RPA3: variants seen among roughly 807,000 people sequenced by gnomAD.
The protein encoded by RPA3 is replication protein A 14 kDa subunit.
In RPA3, 24 loss-of-function variants were observed where a neutral mutation model predicts 13.7. The ratio of observed to expected loss-of-function variants is 1.75; its 90% CI spans 1.27 to 2.46. The LOEUF is 2.46. Among genes scored for constraint, RPA3 ranks in the 30% most tolerant of loss-of-function variants. The pLI, the probability that RPA3 is intolerant of heterozygous loss-of-function variation, is 0.00. For missense variants in RPA3, 183 were observed against 151.0 expected (o/e 1.21, Z -1.11); for synonymous variants, 59 against 51.2 (o/e 1.15, Z -0.65).
chr7:7,644,390 T>C (rs144967846), intron 4 of RPA3, among the ~76,000 whole-genome samples: 2 of 152,018 alleles, frequency 1.3e-5, no homozygotes, highest in African/African-American at 2.4e-5. Flanking sequence ...TCTTTTAATA[T>C]AGTTAAACAT....
chr7:7,699,799 T>C (rs1164958582), intron 2 of RPA3, among the ~76,000 whole-genome samples: 1 of 152,198 alleles, frequency 6.6e-6, no homozygotes, highest in Admixed American at 6.5e-5. Flanking sequence ...TTAGTAAATA[T>C]TTGTTGGGGG....
intron 4 of RPA3, among the ~76,000 whole-genome samples, chr7:7,659,622 A>AGTTTCTTAATCCTGTGCTCTCATTT (rs1169709739): frequency 1.3e-5 from 2 of 152,138 alleles, no homozygotes; most frequent in African/African-American, 4.8e-5. Context: ...GTTTTGAGTG[A>AGTTTCTTAATCCTGTGCTCTCATTT]GTTTCTTAAT....
At chr7:7,704,482 G>A (rs1203320393) in intron 2 of RPA3, among the ~76,000 whole-genome samples, 3 of 151,578 alleles carry the variant, frequency 2.0e-5, no homozygotes, top group East Asian at 1.9e-4. Context: ...TGGGCCGGGC[G>A]CGGTGGCTCA....
chr7:7,671,617 A>C (rs1779607119), intron 4 of RPA3, among the ~76,000 whole-genome samples: 1 of 151,966 alleles, frequency 6.6e-6, no homozygotes, highest in Non-Finnish European at 1.5e-5. Flanking sequence ...CTGCTTGCAA[A>C]CCAATTCTTT....
chr7:7,668,073 C>A (rs1264587687), intron 4 of RPA3, among the ~76,000 whole-genome samples: 1 of 152,042 alleles, frequency 6.6e-6, no homozygotes, highest in Non-Finnish European at 1.5e-5. Flanking sequence ...CACACCACCA[C>A]AGCTGGCTAA....
Position 7,682,837 on chromosome 7 carries a change from A to G in RPA3, c.-758+2993T>C, listed in dbSNP as rs75132991. 1.9e-4 allele frequency among the ~76,000 whole-genome samples: 29 copies of G among 152,314 alleles called. No homozygotes were observed. The East Asian group carries it at 5.6e-3, about 29-fold the overall frequency. On this transcript the variant is annotated intron_variant, in intron 4 of 7. Coordinates refer to ENST00000223129, the MANE Select transcript of RPA3 (RefSeq NM_002947.5). ...TAAATTGCAAAGCAAGTATGCCAGG[A>G]TTTTTCAACTAACTTCATGATGTAG...
At chr7:7,676,988 C>T (rs543441352) in intron 4 of RPA3, among the ~76,000 whole-genome samples, 41 of 152,190 alleles carry the variant, frequency 2.7e-4, no homozygotes, top group Non-Finnish European at 5.6e-4. Flanking sequence ...TCAGAGCATA[C>T]TGTATAAAAT....
intron 2 of RPA3, chr7:7,692,609 T>TTTTGTTTG (rs908658314): frequency 6.6e-6 from 1 of 152,162 alleles, no homozygotes; most frequent in Admixed American, 6.5e-5. Context: ...CAAATGCATT[T>TTTTGTTTG]TTTGTTTGTT....
chr7:7,651,614 A>G (rs2115550755), intron 4 of RPA3, among the ~76,000 whole-genome samples: 1 of 152,260 alleles, frequency 6.6e-6, no homozygotes, highest in Admixed American at 6.5e-5. Flanking sequence ...GTGTCAGATT[A>G]CTTTAGTCTC....
chr7:7,663,499 A>C (rs1346963701), intron 4 of RPA3, among the ~76,000 whole-genome samples: 2 of 152,174 alleles, frequency 1.3e-5, no homozygotes, highest in Non-Finnish European at 2.9e-5. Flanking sequence ...TAAAAAACCT[A>C]GGTGGGACGG....
At chr7:7,669,265 A>G (rs1172453026) in intron 4 of RPA3, among the ~76,000 whole-genome samples, 1 of 152,130 alleles carries the variant, frequency 6.6e-6, no homozygotes, top group Non-Finnish European at 1.5e-5. Flanking sequence ...GTATTTTGAT[A>G]TAGGGTCTGA....
At chr7:7,714,741 G>T (rs1159291924) in intron 2 of RPA3, among the ~76,000 whole-genome samples, 3 of 152,078 alleles carry the variant, frequency 2.0e-5, no homozygotes, top group African/African-American at 7.2e-5. Flanking sequence ...CTGGGGGAAG[G>T]TTAAAGCAAG....
chr7:7,696,990 A>G (rs1780335755), intron 2 of RPA3, among the ~76,000 whole-genome samples: 1 of 152,142 alleles, frequency 6.6e-6, no homozygotes, highest in South Asian at 2.1e-4. Flanking sequence ...AAGCTCAGTA[A>G]ACACCCTCTC....
rs1780640498 is a variant in RPA3, at chr7:7,707,676, A to G, written c.-1028+7499T>C. On this transcript the variant is annotated intron_variant, in intron 2 of 7. Coordinates refer to ENST00000223129, the MANE Select transcript of RPA3 (RefSeq NM_002947.5). ...ACCTCTTTAGTTTTCTGTGATCCAA[A>G]ATCTGGCTTAATTTTGCCTTAAAGC... 2.0e-5 allele frequency among the ~76,000 whole-genome samples: 3 copies of G among 152,190 alleles called. No homozygotes were observed. In the South Asian group the frequency reaches 6.2e-4, roughly 32 times the overall value.
At chr7:7,638,974 A>C (rs1299057696) in intron 6 of RPA3, 96 bp downstream of exon 6, 2 of 921,750 alleles carry the variant, frequency 2.2e-6, no homozygotes, top group African/African-American at 3.4e-5. Flanking sequence ...CATCCTTTTT[A>C]AATCCATTGC....
chr7:7,674,125 A>G (rs949876501), intron 4 of RPA3, among the ~76,000 whole-genome samples: 12 of 152,148 alleles, frequency 7.9e-5, no homozygotes, highest in African/African-American at 2.7e-4. Flanking sequence ...GGGGTAGTCA[A>G]ACCCAGTGTT....
At chr7:7,684,528 T>C (rs1294549539) in intron 4 of RPA3, among the ~76,000 whole-genome samples, 1 of 152,244 alleles carries the variant, frequency 6.6e-6, no homozygotes, top group South Asian at 2.1e-4. Context: ...AATTTTTTTT[T>C]CTGAATAATT....
rs531354791 is a variant in RPA3 at position 7,688,990 on chromosome 7, T to G, written c.-1027-1662A>C. On this transcript the variant is annotated intron_variant, in intron 2 of 7. Transcript: ENST00000223129. ...CTTTATTTAGTTATATAAATGCAAATTAGTAAGCATTCAGACTAAGCCTGC... is the reference window on the plus strand; with the variant it reads ...CTTTATTTAGTTATATAAATGCAAAGTAGTAAGCATTCAGACTAAGCCTGC... Among the ~76,000 whole-genome samples, 4 of 152,348 alleles carry G rather than the reference T, an allele frequency of 2.6e-5. No homozygotes were observed. The South Asian group carries it at 8.3e-4, about 32-fold the overall frequency.
chr7:7,637,317 G>A (rs1191599552), intron 7 of RPA3, among the ~76,000 whole-genome samples: 1 of 151,748 alleles, frequency 6.6e-6, no homozygotes, highest in African/African-American at 2.4e-5. Context: ...TAGTGTTTTG[G>A]GTGTTATGCA....
Sources: allele counts gnomAD v4.1 joint callset (sites outside exome capture counted in the v4.1 genomes callset), GRCh38; gene constraint gnomAD v4.1.1; transcripts MANE v1.5; gene names NCBI Gene and HGNC (gene_info 2026-07-23, HGNC 2026-07-21).